Variants in SGCZ observed in about 807,000 individuals in gnomAD.
SGCZ encodes zeta-sarcoglycan.
A neutral mutation model predicts 41.3 loss-of-function variants in SGCZ; 40 were observed. The ratio of observed to expected loss-of-function variants is 0.97; its 90% confidence interval spans 0.75 to 1.26. The LOEUF (loss-of-function observed/expected upper bound fraction) is 1.26. SGCZ is among the 50% of genes most tolerant of loss of function. The pLI is 0.00. For missense variants in SGCZ, 552 were observed against 369.8 expected (o/e 1.49, Z -4.04); for synonymous variants, 206 against 137.5 (o/e 1.50, Z -3.49).
At chr8:14,207,149 C>CTGTTTAAAAAAAAAGTTTATTTTTAACA (rs145175933) in intron 4 of SGCZ, among the ~76,000 whole-genome samples, 4 of 151,312 alleles carry the variant, frequency 2.6e-5, no homozygotes, top group African/African-American at 7.3e-5. Context: ...GTGATGGTGG[C>CTGTTTAAAAAAAAAGTTTATTTTTAACA]TATTCTTTTT....
chr8:15,019,375 C>G (rs1803165183), intron 1 of SGCZ, among the ~76,000 whole-genome samples: 1 of 152,126 alleles, frequency 6.6e-6, no homozygotes, highest in African/African-American at 2.4e-5. Flanking sequence ...GCGTATGCAC[C>G]CGAGTGGAAG....
At chr8:14,550,240 C>G (rs142935958) in intron 2 of SGCZ, among the ~76,000 whole-genome samples, 1 of 151,310 alleles carries the variant, frequency 6.6e-6, no homozygotes, top group Admixed American at 6.6e-5. Flanking sequence ...GCTGCACAAG[C>G]GATAATATAT....
At position 14,295,175 on chromosome 8, in the gene SGCZ, G is replaced by A. The variant is rs533756209; in HGVS notation, c.336+28928C>T. 4.9e-4 allele frequency among the ~76,000 whole-genome samples: 74 copies of A among 152,170 alleles called. 1 individual carries two copies. Among genetic ancestry groups the A allele is most frequent in the African/African-American group, 1.7e-3 (70 of 41,536 alleles). On this transcript the variant is annotated intron_variant, in intron 3 of 7. Transcript: ENST00000382080. ...TTTATTTGTAATAGCCAAAAGATGC[G>A]AAAAGAAATGTTCTTCAACTGGTGA... is the stretch of plus-strand genomic sequence containing the variant.
chr8:14,395,783 A>C (rs1017947228), intron 2 of SGCZ, among the ~76,000 whole-genome samples: 2 of 152,200 alleles, frequency 1.3e-5, no homozygotes, highest in Admixed American at 6.6e-5. Flanking sequence ...CAGGATATAA[A>C]ATCGATCTGC....
At chr8:14,406,904 C>T (rs1000874563) in intron 2 of SGCZ, among the ~76,000 whole-genome samples, 2 of 152,116 alleles carry the variant, frequency 1.3e-5, no homozygotes, top group African/African-American at 4.8e-5. Flanking sequence ...CTGTATACTG[C>T]TACTTCAATA....
intron 3 of SGCZ, among the ~76,000 whole-genome samples, chr8:14,317,167 T>G (rs544707190): frequency 6.6e-4 from 100 of 152,198 alleles, no homozygotes; most frequent in African/African-American, 2.3e-3. Context: ...TGTAAAACAT[T>G]TAGCGCAATG....
At chr8:14,841,546 A>G (rs1563308147) in intron 1 of SGCZ, among the ~76,000 whole-genome samples, 1 of 152,182 alleles carries the variant, frequency 6.6e-6, no homozygotes, top group Non-Finnish European at 1.5e-5. Flanking sequence ...ATAATTTTAA[A>G]TAGTAGGTTT....
chr8:14,102,749 C>T (rs1802073045), intron 6 of SGCZ, among the ~76,000 whole-genome samples: 1 of 151,996 alleles, frequency 6.6e-6, no homozygotes, highest in Admixed American at 6.6e-5. Flanking sequence ...TTTACTCTCA[C>T]TTTCATGACA....
chr8:14,541,684 C>G (rs1470988249), intron 2 of SGCZ, among the ~76,000 whole-genome samples: 2 of 152,070 alleles, frequency 1.3e-5, no homozygotes. Flanking sequence ...AGTTCTGATT[C>G]TAGATCCTTG....
At chr8:14,830,372 T>C (rs907340730) in intron 1 of SGCZ, among the ~76,000 whole-genome samples, 1 of 152,204 alleles carries the variant, frequency 6.6e-6, no homozygotes, top group African/African-American at 2.4e-5. Flanking sequence ...ATTTGTTATC[T>C]GTCAATATGT....
chr8:14,787,160 G>C (rs1485684678), intron 1 of SGCZ, among the ~76,000 whole-genome samples: 1 of 152,104 alleles, frequency 6.6e-6, no homozygotes. Context: ...GCAGAACTGA[G>C]AGAAATCCAA....
At chr8:14,262,820 A>G (rs11203589) in intron 3 of SGCZ, among the ~76,000 whole-genome samples, 36,574 of 114,988 alleles carry the variant, frequency 0.32, 5,646 homozygotes, top group Non-Finnish European at 0.43. Flanking sequence ...ATACTTCAAG[A>G]AAAAAAAAAA....
intron 1 of SGCZ, among the ~76,000 whole-genome samples, chr8:14,725,645 A>G (rs887212916): frequency 5.9e-5 from 9 of 152,214 alleles, no homozygotes; most frequent in Non-Finnish European, 1.2e-4. Context: ...TTTAAAAATC[A>G]CTATTACTAA....
At chr8:14,452,566 T>G (rs1346799705) in intron 2 of SGCZ, among the ~76,000 whole-genome samples, 1 of 152,112 alleles carries the variant, frequency 6.6e-6, no homozygotes, top group Admixed American at 6.6e-5. Context: ...TTAAGTAGTT[T>G]TATCTTTAAA....
intron 1 of SGCZ, among the ~76,000 whole-genome samples, chr8:14,579,390 G>A (rs1804813083): frequency 1.3e-5 from 2 of 151,966 alleles, no homozygotes; most frequent in South Asian, 2.1e-4. Context: ...ATTCCATATC[G>A]AAACAATGAC....
At position 14,640,064 on chromosome 8, in the gene SGCZ, A is replaced by G. The variant is rs191494763; in HGVS notation, c.40-85138T>C. On this transcript the variant is annotated intron_variant, in intron 1 of 7. Coordinates refer to ENST00000382080, the MANE Select transcript of SGCZ (RefSeq NM_139167.4). Reference sequence around the variant, plus strand: ...AAGTTTTTCTTAATAAAAGTCTTCTATTACAATGATAACATATACTTTAAG... The same window carrying G: ...AAGTTTTTCTTAATAAAAGTCTTCTGTTACAATGATAACATATACTTTAAG... Among the ~76,000 whole-genome samples, 290 of 151,838 alleles carry G rather than the reference A, an allele frequency of 1.9e-3. 1 individual carries two copies. Among genetic ancestry groups the G allele is most frequent in the African/African-American group, 6.7e-3 (280 of 41,490 alleles).
chr8:14,779,312 A>C (rs930739187), intron 1 of SGCZ, among the ~76,000 whole-genome samples: 9 of 152,220 alleles, frequency 5.9e-5, no homozygotes, highest in African/African-American at 2.2e-4. Context: ...CCATGTTATG[A>C]GAACACTCAA....
chr8:14,416,310 C>T (rs1002056614), intron 2 of SGCZ, among the ~76,000 whole-genome samples: 3 of 151,848 alleles, frequency 2.0e-5, no homozygotes, highest in African/African-American at 7.2e-5. Context: ...AGCTGTTGTC[C>T]TGTAGAGAAA....
rs187263476 is a variant in SGCZ at position 15,061,866 on chromosome 8, G to C, written c.39+175719C>G. ...AGACACCACCCTACAAGTTGTTCAA[G>C]TTAAAGCCGTAACAATGGAAATTTC... On this transcript the variant is annotated intron_variant, in intron 1 of 7. Transcript: ENST00000382080. Among the ~76,000 whole-genome samples the C allele has an allele frequency of 4.7e-4, 72 of 152,258 alleles. 1 individual carries two copies. The highest frequency in any genetic ancestry group is 1.0e-3 in the South Asian group (5 of 4,826).
Sources: allele counts gnomAD v4.1 joint callset (sites outside exome capture counted in the v4.1 genomes callset), GRCh38; gene constraint gnomAD v4.1.1; transcripts MANE v1.5; gene names NCBI Gene and HGNC (gene_info 2026-07-23, HGNC 2026-07-21).